CCDC18: variants seen among roughly 807,000 people sequenced by gnomAD.
CCDC18 encodes coiled-coil domain containing 18.
CCDC18 carries 157 observed loss-of-function variants against 196.0 expected under a neutral mutation model. The ratio of observed to expected loss-of-function variants is 0.80; its 90% CI spans 0.70 to 0.91. CCDC18 has a LOEUF of 0.91. CCDC18 is among the 40% of genes least tolerant of loss of function. The pLI is 0.00. For missense variants in CCDC18, 1,465 were observed against 1,611.6 expected (o/e 0.91, Z 1.56); for synonymous variants, 482 against 529.2 (o/e 0.91, Z 1.22).
intron 3 of CCDC18, among the ~76,000 whole-genome samples, chr1:93,185,391 G>A (rs1650473149): frequency 6.6e-6 from 1 of 151,848 alleles, no homozygotes; most frequent in Non-Finnish European, 1.5e-5. Flanking sequence ...ACACCCTGCA[G>A]GATATGAAAT....
upstream of CCDC18, chr1:93,180,512 C>T (rs1011526773): frequency 3.4e-5 from 52 of 1,537,262 alleles, no homozygotes; most frequent in Non-Finnish European, 4.2e-5. Flanking sequence ...GCCTCTCCCC[C>T]TGACGGCCTC....
intron 6 of CCDC18, among the ~76,000 whole-genome samples, chr1:93,198,132 C>T (rs1653110391): frequency 6.6e-6 from 1 of 152,126 alleles, no homozygotes; most frequent in Admixed American, 6.6e-5. Context: ...TAAAGGTAAA[C>T]ATAAGCCTGC....
upstream of CCDC18, chr1:93,180,243 C>A (rs1649291584): frequency 1.6e-5 from 25 of 1,609,740 alleles, no homozygotes; most frequent in Non-Finnish European, 1.9e-5. Flanking sequence ...TGTCGCCCAT[C>A]CCTGCTGGGG....
At chr1:93,206,960 G>A in intron 8 of CCDC18, 147 bp from the exon 9 acceptor site, 2 of 493,192 alleles carry the variant, frequency 4.1e-6, no homozygotes, top group Non-Finnish European at 7.1e-6. Context: ...TGAGTGCCTG[G>A]CATGCAGAAA....
At chr1:93,211,942 T>C (rs995029448) in intron 10 of CCDC18, among the ~76,000 whole-genome samples, 159 bp from the exon 11 acceptor site, 1 of 152,330 alleles carries the variant, frequency 6.6e-6, no homozygotes, top group East Asian at 1.9e-4. Context: ...AATTTATAAT[T>C]CTACAGTGGT....
chr1:93,215,850 A>G (rs1222150713), intron 12 of CCDC18, among the ~76,000 whole-genome samples: 1 of 152,180 alleles, frequency 6.6e-6, no homozygotes, highest in South Asian at 2.1e-4. Flanking sequence ...TACGCAAGGA[A>G]TTACATTCTG....
At chr1:93,219,154 T>G (rs1438735703) in intron 14 of CCDC18, among the ~76,000 whole-genome samples, 3 of 152,212 alleles carry the variant, frequency 2.0e-5, no homozygotes, top group Admixed American at 1.3e-4. Context: ...TGTTAATGCC[T>G]TCCACCTACA....
chr1:93,249,432 T>C (rs1365013774), intron 23 of CCDC18, among the ~76,000 whole-genome samples: 1 of 152,226 alleles, frequency 6.6e-6, no homozygotes, highest in African/African-American at 2.4e-5. Flanking sequence ...TCCTCTGTAT[T>C]GTTTTATAGT....
chr1:93,206,087 C>T (rs1269129644), intron 8 of CCDC18, among the ~76,000 whole-genome samples: 1 of 151,352 alleles, frequency 6.6e-6, no homozygotes, highest in Non-Finnish European at 1.5e-5. Context: ...CTCCAATGCT[C>T]TCTTTTAGTA....
intron 7 of CCDC18, 137 bp from the exon 8 acceptor site, chr1:93,205,373 A>C (rs976629938): frequency 1.5e-6 from 1 of 673,612 alleles, no homozygotes; most frequent in African/African-American, 1.9e-5. Flanking sequence ...TCTTTTCACT[A>C]CAAGGCTGGG....
Position 93,205,635 on chromosome 1 carries a change from C to T in CCDC18, c.917+4C>T. On this transcript the variant is annotated splice_donor_region_variant and intron_variant, in intron 8 of 28. Coordinates refer to ENST00000690025, the MANE Select transcript of CCDC18 (RefSeq NM_001378204.1). ...AAATTCTGAAAGAGAAATTAAGGTA[C>T]AGTATTCTGTTGTAGAAAAAGGATT... is the stretch of plus-strand genomic sequence containing the variant. 1 of 1,586,424 alleles carries T rather than the reference C, an allele frequency of 6.3e-7. No homozygotes were observed. Among genetic ancestry groups the T allele is most frequent in the Non-Finnish European group, 8.6e-7 (1 of 1,168,830 alleles).
At chr1:93,236,522 TTTTG>T (rs1660092192) in intron 19 of CCDC18, 132 bp downstream of exon 19, 1 of 841,212 alleles carries the variant, frequency 1.2e-6, no homozygotes, top group Admixed American at 3.5e-5. Flanking sequence ...TCCTATTGCA[TTTTG>T]TTTGTATTTC....
At chr1:93,229,146 C>T (rs1658856684) in intron 17 of CCDC18, among the ~76,000 whole-genome samples, 1 of 152,120 alleles carries the variant, frequency 6.6e-6, no homozygotes, top group African/African-American at 2.4e-5. Flanking sequence ...GAATTAGAAA[C>T]CAGAAGTGGT....
Position 93,180,831 on chromosome 1 carries a change from G to A in CCDC18, c.-24G>A. 1 of 1,367,722 alleles carries A rather than the reference G, an allele frequency of 7.3e-7. No individual in the cohort carries two copies. Among genetic ancestry groups the A allele is most frequent in the Admixed American group, 1.9e-5 (1 of 52,596 alleles). 84.7% of individuals were successfully genotyped at this position (1,367,722 alleles called of 1,614,324 possible). ...CAGAGGCTTCCTAACGCAGACTCGA[G>A]TGCGAAGCGCGCAGTCGCCGGGTGG... On this transcript the variant is annotated 5_prime_UTR_variant, in exon 1 of 29. In the 5' UTR this introduces an upstream ATG that the reference lacks. Coordinates refer to ENST00000690025, the MANE Select transcript of CCDC18 (RefSeq NM_001378204.1).
Position 93,273,260 on chromosome 1 carries a change from G to T in CCDC18, c.4353+2446G>T, listed in dbSNP as rs569233700. 5.9e-4 allele frequency among the ~76,000 whole-genome samples: 90 copies of T among 152,214 alleles called. 3 individuals carry two copies. Among genetic ancestry groups the T allele is most frequent in the Admixed American group, 2.0e-4 (3 of 15,286 alleles). ...ATTTTTTGTATTTTTAGTAGAGACG[G>T]GGTTTCACTGTGTTAGCCAGGATGG... On this transcript the variant is annotated intron_variant, in intron 28 of 28. Coordinates refer to ENST00000690025, the MANE Select transcript of CCDC18 (RefSeq NM_001378204.1).
chr1:93,197,056 A>G (rs1168830004), intron 6 of CCDC18, among the ~76,000 whole-genome samples: 1 of 152,204 alleles, frequency 6.6e-6, no homozygotes, highest in Non-Finnish European at 1.5e-5. Context: ...TTAACCTTAT[A>G]TACATGTATT....
At position 93,212,113 on chromosome 1, in the gene CCDC18, A is replaced by G; in HGVS notation, c.1347A>G (p.Ala449=). 1 of 1,600,172 alleles carries G rather than the reference A, an allele frequency of 6.2e-7. No homozygotes were observed. The highest frequency in any genetic ancestry group is 8.5e-7 in the Non-Finnish European group (1 of 1,176,172). ...LVISELRIKL[A]IKEAEIQKLH... ...TCTTTTGTGCCAGAATTAAGCTTGC[A>G]ATAAAAGAGGCAGAAATTCAAAAGC... is the stretch of plus-strand genomic sequence containing the variant. Residue 449 remains alanine, a synonymous_variant, in exon 11 of 29, where the codon GCA becomes GCG. Transcript: ENST00000690025.
At chr1:93,268,296 A>C (rs938921136) in intron 27 of CCDC18, among the ~76,000 whole-genome samples, 1 of 152,232 alleles carries the variant, frequency 6.6e-6, no homozygotes, top group African/African-American at 2.4e-5. Flanking sequence ...TAAAGACTTA[A>C]ATGTTAGACC....
At position 93,226,360 on chromosome 1, in the gene CCDC18, A is replaced by G. The variant is rs773902468; in HGVS notation, c.2203A>G (p.Ile735Val). 44 of 1,584,914 alleles carry G rather than the reference A, an allele frequency of 2.8e-5. No individual in the cohort carries two copies. Among genetic ancestry groups the G allele is most frequent in the Non-Finnish European group, 3.7e-5 (43 of 1,162,950 alleles). The change falls in exon 17 of 29, where the codon ATT (isoleucine) becomes GTT (valine). Residue 735 changes from isoleucine to valine, a missense_variant. By Grantham distance (29) the Ile-to-Val change is conservative. Transcript: ENST00000690025. ...KVRQLDSALE[I>V]CKEELVLHLN... ...TAGGCAACTAGATTCAGCATTGGAA[A>G]TTTGTAAGGAAGAACTTGTCTTGCA...
Sources: allele counts gnomAD v4.1 joint callset (sites outside exome capture counted in the v4.1 genomes callset), GRCh38; gene constraint gnomAD v4.1.1; transcripts MANE v1.5; gene names NCBI Gene and HGNC (gene_info 2026-07-23, HGNC 2026-07-21).